FOXP2: variants seen among roughly 807,000 people sequenced by gnomAD.
FOXP2 encodes the protein forkhead box protein P2.
A neutral mutation model predicts 115.8 loss-of-function variants in FOXP2; 12 were observed. That is an observed-to-expected ratio of 0.10 (90% CI 0.07 to 0.17). FOXP2 has a LOEUF of 0.17. FOXP2 is among the 10% of genes least tolerant of loss of function. FOXP2 has a pLI of 1.00. For synonymous variants in FOXP2, 328 were observed against 297.7 expected, an observed-to-expected ratio of 1.10 and a Z score of -1.05; for missense variants, 629 against 843.5, an observed-to-expected ratio of 0.75 and a Z score of 3.15.
chr7:114,594,616 A>C (rs1011187285), intron 3 of FOXP2, among the ~76,000 whole-genome samples: 1 of 152,106 alleles, frequency 6.6e-6, no homozygotes, highest in African/African-American at 2.4e-5. Flanking sequence ...TATTCATTTG[A>C]CTAAAACACA....
At chr7:114,645,129 AAT>A (rs60674425) in intron 8 of FOXP2, 919 of 32,442 alleles carry the variant, frequency 0.028, 11 homozygotes, top group Non-Finnish European at 0.034. Flanking sequence ...GAGTCATCCT[AAT>A]ATATATATAT....
chr7:114,186,896 A>G (rs1380661505), intron 1 of FOXP2, among the ~76,000 whole-genome samples: 1 of 152,048 alleles, frequency 6.6e-6, no homozygotes, highest in Non-Finnish European at 1.5e-5. Flanking sequence ...GAGCCGAGAG[A>G]TGTGCCAGAA....
Position 114,401,059 on chromosome 7 carries a change from A to G in FOXP2, c.-10-25443A>G, listed in dbSNP as rs570080291. 3.3e-5 allele frequency among the ~76,000 whole-genome samples: 5 copies of G among 152,230 alleles called. No individual in the cohort carries two copies. The East Asian group carries it at 9.7e-4, about 29-fold the overall frequency. ...ACATAGGCCAGGGTGATCAGACATC[A>G]CCTAGGGAATGTAGAGGGTGAGGAA... is the stretch of plus-strand genomic sequence containing the variant. On this transcript the variant is annotated intron_variant, in intron 2 of 17. Coordinates refer to the FOXP2 transcript ENST00000634411.
chr7:114,214,226 A>G (rs578199114), intron 1 of FOXP2, among the ~76,000 whole-genome samples: 207 of 152,324 alleles, frequency 1.4e-3, no homozygotes, highest in Non-Finnish European at 2.4e-3. Context: ...CAGAGAGATT[A>G]GATGACTACC....
chr7:114,204,894 T>C (rs1852638), intron 1 of FOXP2, among the ~76,000 whole-genome samples: 84,726 of 148,874 alleles, frequency 0.57, 26,837 homozygotes, highest in Admixed American at 0.75. Flanking sequence ...TAACTAAGAG[T>C]TGGCTGTTGG....
At chr7:114,615,881 T>TA (rs1803923008) in intron 3 of FOXP2, among the ~76,000 whole-genome samples, 1 of 152,204 alleles carries the variant, frequency 6.6e-6, no homozygotes, top group South Asian at 2.1e-4. Flanking sequence ...TGGTCCTTTT[T>TA]ATTCCTCAGG....
At chr7:114,560,783 A>T in intron 3 of FOXP2, among the ~76,000 whole-genome samples, 1 of 152,240 alleles carries the variant, frequency 6.6e-6, no homozygotes, top group East Asian at 1.9e-4. Flanking sequence ...AAAGCTATTA[A>T]CATTTAATCC....
At chr7:114,646,710 A>C (rs1805923762) in intron 8 of FOXP2, among the ~76,000 whole-genome samples, 1 of 151,980 alleles carries the variant, frequency 6.6e-6, no homozygotes, top group Non-Finnish European at 1.5e-5. Flanking sequence ...AAGTATACTG[A>C]CCGAAGTGAA....
At chr7:114,360,995 G>C (rs934343938) in intron 2 of FOXP2, among the ~76,000 whole-genome samples, 4 of 152,066 alleles carry the variant, frequency 2.6e-5, no homozygotes, top group African/African-American at 9.7e-5. Flanking sequence ...TTTTTGGTTT[G>C]TTTAGTCTCA....
chr7:114,164,439 G>A (rs866658663), intron 1 of FOXP2, among the ~76,000 whole-genome samples: 9 of 151,646 alleles, frequency 5.9e-5, no homozygotes, highest in African/African-American at 1.7e-4. Context: ...CCCCCTCCTG[G>A]ATTCAAGTGA....
At chr7:114,459,441 A>G (rs542210007) in intron 2 of FOXP2, among the ~76,000 whole-genome samples, 4 of 152,338 alleles carry the variant, frequency 2.6e-5, no homozygotes, top group African/African-American at 7.2e-5. Context: ...CAAAAGCAAA[A>G]GTTGTATTTT....
chr7:114,616,887 C>T (rs1206437492), intron 3 of FOXP2, among the ~76,000 whole-genome samples: 9 of 152,134 alleles, frequency 5.9e-5, no homozygotes, highest in Non-Finnish European at 1.3e-4. Context: ...CTAGCCTGGG[C>T]AACATAGTGA....
chr7:114,502,590 G>A (rs1213336768), intron 2 of FOXP2, among the ~76,000 whole-genome samples: 1 of 152,072 alleles, frequency 6.6e-6, no homozygotes, highest in Non-Finnish European at 1.5e-5. Flanking sequence ...AGTGGAGACT[G>A]ACAGAGTCAT....
At chr7:114,199,421 A>G (rs1390252240) in intron 1 of FOXP2, among the ~76,000 whole-genome samples, 1 of 152,176 alleles carries the variant, frequency 6.6e-6, no homozygotes. Context: ...TGATAAATAA[A>G]TACATGATGG....
At chr7:114,219,303 G>A (rs1794560398) in intron 1 of FOXP2, among the ~76,000 whole-genome samples, 1 of 152,058 alleles carries the variant, frequency 6.6e-6, no homozygotes, top group African/African-American at 2.4e-5. Context: ...TTCAACAACA[G>A]TAAAGAAAGT....
intron 8 of FOXP2, among the ~76,000 whole-genome samples, chr7:114,651,254 T>C (rs902491940): frequency 1.3e-5 from 2 of 152,106 alleles, no homozygotes; most frequent in Non-Finnish European, 2.9e-5. Context: ...TTCACTTATA[T>C]GCAATGATGA....
At chr7:114,531,208 T>G (rs1423321963) in intron 2 of FOXP2, among the ~76,000 whole-genome samples, 1 of 151,752 alleles carries the variant, frequency 6.6e-6, no homozygotes, top group Non-Finnish European at 1.5e-5. Flanking sequence ...TTAATTTTTG[T>G]GGGGGAGGGT....
intron 1 of FOXP2, among the ~76,000 whole-genome samples, chr7:114,167,722 G>A (rs1248262741): frequency 6.6e-6 from 1 of 151,960 alleles, no homozygotes; most frequent in Non-Finnish European, 1.5e-5. Flanking sequence ...GGATCAGGAG[G>A]TCAGGAGATC....
chr7:114,126,653 AC>A (rs748231524), intron 1 of FOXP2, among the ~76,000 whole-genome samples: 53 of 152,088 alleles, frequency 3.5e-4, no homozygotes, highest in Admixed American at 6.6e-4. Flanking sequence ...TGCAGTGAAA[AC>A]CCTTAAATTC....
Sources: gnomAD v4.1 joint callset for allele counts (sites outside exome capture counted in the v4.1 genomes callset) on GRCh38, gnomAD v4.1.1 for gene constraint, MANE v1.5 for transcripts, NCBI Gene and HGNC (gene_info 2026-07-23, HGNC 2026-07-21) for gene names.